OTUD7A: variants seen among roughly 807,000 people sequenced by gnomAD.
OTUD7A encodes OTU deubiquitinase 7A, also known as OTU domain-containing protein 7A.
In OTUD7A, 12 loss-of-function variants were observed where a neutral mutation model predicts 65.7. The observed-to-expected ratio is 0.18, with a 90% CI of 0.12 to 0.30. The LOEUF (loss-of-function observed/expected upper bound fraction) is 0.30. Ranked by LOEUF, OTUD7A falls within the 10% of genes least tolerant of loss-of-function variation. The pLI is 1.00. For synonymous variants in OTUD7A, 641 were observed against 586.3 expected (o/e 1.09, Z -1.35); for missense variants, 1,148 against 1,304.8 (o/e 0.88, Z 1.85).
chr15:31,610,607 A>ATTTTTTTTTTTTT (rs1395271113), intron 3 of OTUD7A, among the ~76,000 whole-genome samples: 5 of 39,554 alleles, frequency 1.3e-4, no homozygotes, highest in Non-Finnish European at 2.3e-4. Context: ...ATATATATAT[A>ATTTTTTTTTTTTT]TATATATATA....
rs529916075 is a variant in OTUD7A, at chr15:31,834,630, A to G, written c.-100+35877T>C. 3.3e-5 allele frequency among the ~76,000 whole-genome samples: 5 copies of G among 152,300 alleles called. No individual in the cohort carries two copies. The South Asian group carries it at 1.0e-3, about 32-fold the overall frequency. On this transcript the variant is annotated intron_variant, in intron 1 of 12. Transcript: ENST00000307050. Reference sequence around the variant, plus strand: ...CTCAAGGTGTTGACAGAGAAGTTCTATTATGTATGTATTCTTTAGGCCAAT... The same window carrying G: ...CTCAAGGTGTTGACAGAGAAGTTCTGTTATGTATGTATTCTTTAGGCCAAT...
intron 1 of OTUD7A, among the ~76,000 whole-genome samples, chr15:31,711,385 C>T (rs1163555665): frequency 1.3e-5 from 2 of 151,900 alleles, no homozygotes; most frequent in Non-Finnish European, 2.9e-5. Context: ...ATGCAGTTTA[C>T]ACTTCCATAA....
chr15:31,588,103 C>T (rs545873071), intron 3 of OTUD7A, among the ~76,000 whole-genome samples: 1 of 152,134 alleles, frequency 6.6e-6, no homozygotes, highest in South Asian at 2.1e-4. Flanking sequence ...CTGTTCATAA[C>T]AGCACAAAAG....
intron 3 of OTUD7A, among the ~76,000 whole-genome samples, chr15:31,584,871 T>C (rs74012545): frequency 0.063 from 9,667 of 152,248 alleles, 1,046 homozygotes; most frequent in African/African-American, 0.22. Flanking sequence ...TAGTGGAGTA[T>C]AGAAATCCTA....
chr15:31,631,911 A>C (rs956366854), intron 3 of OTUD7A, among the ~76,000 whole-genome samples: 2 of 152,078 alleles, frequency 1.3e-5, no homozygotes, highest in Non-Finnish European at 2.9e-5. Context: ...TTCTTCACGT[A>C]ATTCTTGAGC....
At chr15:31,530,862 G>T in intron 5 of OTUD7A, 54 bp from the exon 6 acceptor site, 1 of 1,488,166 alleles carries the variant, frequency 6.7e-7, no homozygotes, top group South Asian at 1.2e-5. Flanking sequence ...GGGGCCACTG[G>T]GGGTGTTTGC....
intron 3 of OTUD7A, among the ~76,000 whole-genome samples, chr15:31,614,768 T>C (rs1890534559): frequency 6.6e-6 from 1 of 152,106 alleles, no homozygotes; most frequent in African/African-American, 2.4e-5. Flanking sequence ...GGAAAATCAT[T>C]ATAGCCAAGT....
chr15:31,780,369 C>A (rs1047896792), intron 1 of OTUD7A, among the ~76,000 whole-genome samples: 5 of 152,202 alleles, frequency 3.3e-5, no homozygotes, highest in Non-Finnish European at 7.4e-5. Flanking sequence ...AGAAAATCAA[C>A]TTTACTATAG....
chr15:31,500,559 C>T (rs544778916), intron 10 of OTUD7A, among the ~76,000 whole-genome samples: 148 of 152,376 alleles, frequency 9.7e-4, no homozygotes, highest in Admixed American at 1.8e-3. Flanking sequence ...GGAAGTGACA[C>T]GCTGGTGCCG....
intron 1 of OTUD7A, among the ~76,000 whole-genome samples, chr15:31,740,114 G>C (rs1288259811): frequency 6.6e-6 from 1 of 152,198 alleles, no homozygotes; most frequent in Non-Finnish European, 1.5e-5. Context: ...GGACATGAGT[G>C]GGGTGGCCGG....
At chr15:31,752,935 T>C (rs1321655645) in intron 1 of OTUD7A, among the ~76,000 whole-genome samples, 1 of 152,190 alleles carries the variant, frequency 6.6e-6, no homozygotes, top group Non-Finnish European at 1.5e-5. Context: ...CAGATGGTGA[T>C]TTCGTTTTAA....
rs577666971 is a variant in OTUD7A, at chr15:31,546,374, T to A, written c.550+12595A>T. On this transcript the variant is annotated intron_variant, in intron 5 of 12. Transcript: ENST00000307050. ...TCTTAATCACCAGTGTGGCTATATATGAAGACGAAGACTTCAAGGAAGTAA... is the reference window on the plus strand; with the variant it reads ...TCTTAATCACCAGTGTGGCTATATAAGAAGACGAAGACTTCAAGGAAGTAA... Among the ~76,000 whole-genome samples the A allele has an allele frequency of 1.3e-5, 2 of 152,326 alleles. 1 individual carries two copies. The highest frequency in any genetic ancestry group is 4.8e-5 in the African/African-American group (2 of 41,570).
chr15:31,487,393 A>G lies in OTUD7A; in HGVS notation c.1286+59T>C. On this transcript the variant is annotated intron_variant, in intron 11 of 12. Coordinates refer to ENST00000307050, the MANE Select transcript of OTUD7A (RefSeq NM_001382637.1). This position sits in a 1 kb window ranked among gnomAD's most constrained non-coding sequence, Gnocchi z 6.0. The stretch of plus-strand genomic sequence containing the variant: ...AGGGGTGGTACATTCCCTCCCCAGG[A>G]TGCCCCAGCCATAGCCCTCCCTGTG... 6.3e-7 allele frequency: 1 copy of G among 1,585,808 alleles called. No homozygotes were observed. The highest frequency in any genetic ancestry group is 1.1e-5 in the South Asian group (1 of 89,268).
intron 8 of OTUD7A, among the ~76,000 whole-genome samples, chr15:31,513,728 G>T (rs927861256): frequency 1.3e-5 from 2 of 152,192 alleles, no homozygotes; most frequent in African/African-American, 4.8e-5. Flanking sequence ...CCCATCACTG[G>T]TGAGGTTGAC....
intron 1 of OTUD7A, among the ~76,000 whole-genome samples, chr15:31,807,729 T>A (rs981524012): frequency 2.0e-5 from 3 of 152,054 alleles, no homozygotes; most frequent in Non-Finnish European, 4.4e-5. Flanking sequence ...GGAATTAGTA[T>A]GCTATATTTG....
chr15:31,655,256 G>A lies in OTUD7A; in HGVS notation c.-4-6C>T. The stretch of plus-strand genomic sequence containing the variant: ...GCACACTAGAAACCATCCATCTGCA[G>A]GAAAGAAGAGAAAGGGCATTTTACC... On this transcript the variant is annotated splice_region_variant and splice_polypyrimidine_tract_variant and intron_variant, in intron 2 of 12. Transcript: ENST00000307050. The A allele has an allele frequency of 7.9e-7, 1 of 1,269,100 alleles. No individual in the cohort carries two copies. The highest frequency in any genetic ancestry group is 2.5e-5 in the East Asian group (1 of 40,236). The allele number at this position is 1,269,100 out of a possible 1,614,324, so 78.6% of individuals were successfully genotyped here. A position where few individuals can be genotyped will look rare whatever the true frequency, so the allele number is the denominator to read the frequency against.
At chr15:31,663,282 C>CACACA (rs974611178) in intron 1 of OTUD7A, among the ~76,000 whole-genome samples, 2 of 150,358 alleles carry the variant, frequency 1.3e-5, no homozygotes, top group African/African-American at 2.5e-5. Context: ...CACACACACA[C>CACACA]AAGTTTTTAA....
chr15:31,706,542 CTCTTT>C (rs1206710691), intron 1 of OTUD7A, among the ~76,000 whole-genome samples: 4 of 110,198 alleles, frequency 3.6e-5, no homozygotes, highest in African/African-American at 1.5e-4. Context: ...ACAAGATGCA[CTCTTT>C]TCTTCTGGAA....
chr15:31,496,850 T>A (rs1288972061), intron 10 of OTUD7A, among the ~76,000 whole-genome samples: 1 of 152,170 alleles, frequency 6.6e-6, no homozygotes, highest in African/African-American at 2.4e-5. Flanking sequence ...CTTATAAACT[T>A]GCTGTGTTGT....
Sources: allele counts gnomAD v4.1 joint callset (sites outside exome capture counted in the v4.1 genomes callset), GRCh38; gene constraint gnomAD v4.1.1; non-coding constraint Gnocchi (gnomAD v3.1); transcripts MANE v1.5; gene names NCBI Gene and HGNC (gene_info 2026-07-23, HGNC 2026-07-21).